Variants in CORIN observed in about 807,000 individuals in gnomAD.
CORIN encodes corin, serine peptidase.
In CORIN, 117 loss-of-function variants were observed where a neutral mutation model predicts 125.3. The ratio of observed to expected loss-of-function variants is 0.93; its 90% CI spans 0.80 to 1.09. The LOEUF is 1.09. CORIN is among the 50% of genes least tolerant of loss of function. The pLI is 0.00. For missense variants in CORIN, 1,253 were observed against 1,306.7 expected (o/e 0.96, Z 0.63); for synonymous variants, 450 against 466.4 (o/e 0.96, Z 0.45).
chr4:47,739,614 G>A (rs4565055), intron 5 of CORIN, among the ~76,000 whole-genome samples: 14,388 of 151,864 alleles, frequency 0.095, 803 homozygotes, highest in East Asian at 0.27. Context: ...GAAATAAAAG[G>A]TATTGGTAGA....
intron 16 of CORIN, among the ~76,000 whole-genome samples, chr4:47,630,732 G>C (rs1722772723): frequency 6.6e-6 from 1 of 152,174 alleles, no homozygotes; most frequent in Admixed American, 6.5e-5. Flanking sequence ...TTCAAATACA[G>C]AACTCTTGGA....
intron 10 of CORIN, among the ~76,000 whole-genome samples, chr4:47,672,362 A>G (rs1263405017): frequency 1.3e-5 from 2 of 152,210 alleles, no homozygotes; most frequent in Non-Finnish European, 2.9e-5. Context: ...AGAAAATAGG[A>G]TAACATACAC....
Position 47,778,276 on chromosome 4 carries a change from A to C in CORIN, c.409+8449T>G, listed in dbSNP as rs185673163. On this transcript the variant is annotated intron_variant, in intron 3 of 21. Coordinates refer to ENST00000273857, the MANE Select transcript of CORIN (RefSeq NM_006587.4). ...TGTATTAATATGGCATAAACATATAAGTTTTGGGGGCATTTGTCACCTGGG... is the reference window on the plus strand; with the variant it reads ...TGTATTAATATGGCATAAACATATACGTTTTGGGGGCATTTGTCACCTGGG... Among the ~76,000 whole-genome samples, 9 of 152,276 alleles carry C rather than the reference A, an allele frequency of 5.9e-5. No individual in the cohort carries two copies. In the East Asian group the frequency reaches 1.7e-3, roughly 29 times the overall value.
chr4:47,765,583 T>C (rs1729695964), intron 3 of CORIN, among the ~76,000 whole-genome samples: 1 of 152,206 alleles, frequency 6.6e-6, no homozygotes, highest in African/African-American at 2.4e-5. Context: ...TTGGTAGCTA[T>C]TGTCAAATTC....
chr4:47,707,274 GAAAA>G (rs903474969), intron 5 of CORIN, among the ~76,000 whole-genome samples: 1 of 151,592 alleles, frequency 6.6e-6, no homozygotes, highest in Admixed American at 6.6e-5. Context: ...TAAAAGAAGA[GAAAA>G]AAAAGAAAAC....
At chr4:47,697,048 C>A (rs572109046) in intron 5 of CORIN, among the ~76,000 whole-genome samples, 41 of 152,354 alleles carry the variant, frequency 2.7e-4, no homozygotes, top group African/African-American at 9.9e-4. Context: ...TGGGCCCGTG[C>A]TGAGAGCCTG....
intron 4 of CORIN, among the ~76,000 whole-genome samples, chr4:47,762,766 T>C (rs1004454323): frequency 6.6e-6 from 1 of 152,208 alleles, no homozygotes; most frequent in African/African-American, 2.4e-5. Context: ...ATGAGTTCAT[T>C]TGATGAGAGG....
chr4:47,595,834 A>G lies in CORIN; in HGVS notation c.3016T>C (p.Trp1006Arg). ...ACTTTGGAAAAGCAGACGGAGCCCCATGAAGTTAATCCAAATAATGTCCAC... is the reference window on the plus strand; with the variant it reads ...ACTTTGGAAAAGCAGACGGAGCCCCGTGAAGTTAATCCAAATAATGTCCAC... Reference protein sequence around the residue: ...GRWTLFGLTSWGSVCFSKVLG... With the variant: ...GRWTLFGLTSRGSVCFSKVLG... The change falls in exon 22 of 22, where the codon TGG becomes CGG. Residue 1006 changes from tryptophan (W) to arginine (R), a missense_variant. Physicochemically the swap from Trp to Arg is moderately radical, Grantham distance 101. Transcript: ENST00000273857. 1.2e-6 allele frequency: 2 copies of G among 1,613,870 alleles called. No homozygotes were observed. Among genetic ancestry groups the G allele is most frequent in the Non-Finnish European group, 1.7e-6 (2 of 1,179,848 alleles).
At chr4:47,668,524 T>A (rs574105951) in intron 10 of CORIN, among the ~76,000 whole-genome samples, 1 of 152,362 alleles carries the variant, frequency 6.6e-6, no homozygotes, top group African/African-American at 2.4e-5. Flanking sequence ...TCTAACTCTA[T>A]GCTTTTTTCC....
intron 6 of CORIN, among the ~76,000 whole-genome samples, chr4:47,689,647 T>A (rs1725679089): frequency 6.6e-6 from 1 of 152,232 alleles, no homozygotes; most frequent in South Asian, 2.1e-4. Context: ...TAAGAAGTAT[T>A]CATCTACTAA....
At chr4:47,624,192 T>G (rs1722458251) in intron 17 of CORIN, among the ~76,000 whole-genome samples, 1 of 152,208 alleles carries the variant, frequency 6.6e-6, no homozygotes, top group South Asian at 2.1e-4. Flanking sequence ...TACTTCTTTT[T>G]TTAGTTTATT....
chr4:47,619,896 G>A (rs1381517465), intron 19 of CORIN, among the ~76,000 whole-genome samples: 1 of 152,120 alleles, frequency 6.6e-6, no homozygotes, highest in East Asian at 1.9e-4. Flanking sequence ...AAAGACATCT[G>A]GAAACATCTG....
At chr4:47,829,380 T>A (rs1277844337) in intron 1 of CORIN, among the ~76,000 whole-genome samples, 1 of 152,210 alleles carries the variant, frequency 6.6e-6, no homozygotes. Flanking sequence ...TTCTGGACCT[T>A]CTGGACCTTC....
intron 10 of CORIN, among the ~76,000 whole-genome samples, chr4:47,674,109 A>G (rs369467866): frequency 6.6e-6 from 1 of 152,250 alleles, no homozygotes; most frequent in South Asian, 2.1e-4. Context: ...GATGGAGCCA[A>G]GAAAATAATA....
At chr4:47,815,899 C>T (rs566514570) in intron 1 of CORIN, among the ~76,000 whole-genome samples, 1 of 152,228 alleles carries the variant, frequency 6.6e-6, no homozygotes, top group East Asian at 1.9e-4. Flanking sequence ...TAACATAAAG[C>T]CAAACCCACA....
intron 19 of CORIN, among the ~76,000 whole-genome samples, chr4:47,611,516 A>T (rs140876172): frequency 2.0e-5 from 3 of 152,328 alleles, no homozygotes; most frequent in Non-Finnish European, 2.9e-5. Context: ...GGTTTTCTAG[A>T]TATAGGATCA....
chr4:47,670,481 G>C (rs968081366), intron 10 of CORIN, among the ~76,000 whole-genome samples: 2 of 152,226 alleles, frequency 1.3e-5, no homozygotes, highest in African/African-American at 4.8e-5. Context: ...CTTGCAAAGA[G>C]AGAGTAGGAA....
At chr4:47,825,043 A>T (rs573056180) in intron 1 of CORIN, among the ~76,000 whole-genome samples, 1 of 152,186 alleles carries the variant, frequency 6.6e-6, no homozygotes, top group Non-Finnish European at 1.5e-5. Context: ...ATGTGAGCAC[A>T]CCGCTGGCCT....
intron 1 of CORIN, among the ~76,000 whole-genome samples, chr4:47,831,773 T>C: frequency 6.6e-6 from 1 of 151,462 alleles, no homozygotes; most frequent in African/African-American, 2.4e-5. Context: ...AACCTCAAAA[T>C]GTGTCCTTCC....
Sources: gnomAD v4.1 joint callset for allele counts (sites outside exome capture counted in the v4.1 genomes callset) on GRCh38, gnomAD v4.1.1 for gene constraint, MANE v1.5 for transcripts, NCBI Gene and HGNC (gene_info 2026-07-23, HGNC 2026-07-21) for gene names.